Variants in FCHSD2 observed in about 807,000 individuals in gnomAD.
FCHSD2 encodes FCH and double SH3 domains 2.
FCHSD2 carries 38 observed loss-of-function variants against 108.1 expected under a neutral mutation model. That is an observed-to-expected ratio of 0.35 (90% CI 0.27 to 0.46). FCHSD2 has a LOEUF of 0.46. FCHSD2 is among the 20% of genes least tolerant of loss of function. FCHSD2 has a pLI of 1.00. For synonymous variants in FCHSD2, 279 were observed against 314.7 expected, an observed-to-expected ratio of 0.89 and a Z score of 1.20; for missense variants, 751 against 897.8, an observed-to-expected ratio of 0.84 and a Z score of 2.09.
chr11:73,057,904 G>A (rs1859066110), intron 3 of FCHSD2, among the ~76,000 whole-genome samples: 2 of 147,574 alleles, frequency 1.4e-5, no homozygotes, highest in Admixed American at 1.4e-4. Context: ...TTTTGAGACA[G>A]AGTCTCGCTC....
chr11:73,106,406 CAAAAAAA>C (rs781338343), intron 2 of FCHSD2, among the ~76,000 whole-genome samples: 252 of 65,034 alleles, frequency 3.9e-3, no homozygotes, highest in Non-Finnish European at 5.5e-3. Context: ...ACTCTGTCTC[CAAAAAAA>C]AAAAAAAAAG....
chr11:72,937,249 T>C (rs905178443), intron 8 of FCHSD2, among the ~76,000 whole-genome samples: 1 of 152,210 alleles, frequency 6.6e-6, no homozygotes, highest in Non-Finnish European at 1.5e-5. Context: ...ACGTATAGAT[T>C]AGACAGTAAA....
In FCHSD2 at chr11:72,840,881, C is replaced by T. The variant is rs1268529129; in HGVS notation, c.2135G>A (p.Arg712Gln). 12 of 1,606,288 alleles carry T rather than the reference C, an allele frequency of 7.5e-6. No individual in the cohort carries two copies. Among genetic ancestry groups the T allele is most frequent in the African/African-American group, 5.3e-5 (4 of 74,780 alleles). Residue 712 changes from arginine (R) to glutamine (Q), a missense_variant, in exon 19 of 20, where the codon CGA becomes CAA. Transcript: ENST00000409418. Reference protein sequence around the residue: ...HTPETSYGKLRPVRAAPPPPT... With the variant: ...HTPETSYGKLQPVRAAPPPPT... Reference sequence around the variant, plus strand: ...CCTGCAAGATCAGAGACTTACAGGTCGCAGTTTGCCATATGAGGTCTCAGG... The same window carrying T: ...CCTGCAAGATCAGAGACTTACAGGTTGCAGTTTGCCATATGAGGTCTCAGG...
Position 72,999,241 on chromosome 11 carries a change from A to G in FCHSD2, c.387+1749T>C, listed in dbSNP as rs543974920. On this transcript the variant is annotated intron_variant, in intron 5 of 19. Coordinates refer to ENST00000409418, the MANE Select transcript of FCHSD2 (RefSeq NM_014824.3). ...AATATTTAACAATTGCTTAGATGTA[A>G]CATAGATCATCAGCAATAATATAAA... Among the ~76,000 whole-genome samples the G allele has an allele frequency of 3.3e-5, 5 of 152,234 alleles. No individual in the cohort carries two copies. In the East Asian group the frequency reaches 9.6e-4, roughly 29 times the overall value.
chr11:73,085,733 T>C (rs1405577059), intron 2 of FCHSD2, among the ~76,000 whole-genome samples: 1 of 151,744 alleles, frequency 6.6e-6, no homozygotes, highest in Non-Finnish European at 1.5e-5. Flanking sequence ...AAAAAATCCC[T>C]GGGCAAGGAG....
At chr11:72,846,113 T>A (rs1474082675) in intron 14 of FCHSD2, among the ~76,000 whole-genome samples, 1 of 151,462 alleles carries the variant, frequency 6.6e-6, no homozygotes, top group Non-Finnish European at 1.5e-5. Flanking sequence ...CGATTACTTT[T>A]GACTTGAGAC....
At chr11:72,934,491 C>T (rs374125531) in intron 8 of FCHSD2, among the ~76,000 whole-genome samples, 8 of 151,870 alleles carry the variant, frequency 5.3e-5, no homozygotes, top group African/African-American at 1.5e-4. Flanking sequence ...CCACCATACC[C>T]GGGTAATTTT....
chr11:72,943,420 T>C (rs1330324972), intron 8 of FCHSD2, among the ~76,000 whole-genome samples: 1 of 152,058 alleles, frequency 6.6e-6, no homozygotes, highest in Non-Finnish European at 1.5e-5. Context: ...GAGGTTTGAG[T>C]AGGAAAGGAT....
Position 72,922,785 on chromosome 11 carries a change from T to TA in FCHSD2, c.706-836dup, listed in dbSNP as rs1187704030. Among the ~76,000 whole-genome samples the TA allele has an allele frequency of 2.0e-5, 3 of 152,250 alleles. 1 individual carries two copies. The highest frequency in any genetic ancestry group is 2.0e-4 in the Admixed American group (3 of 15,298). ...CAATCAGTAGAGGTAAAAATTGAGG[T>TA]AAAATTCACCCAATATAAGTCACCA... On this transcript the variant is annotated intron_variant, in intron 8 of 19. Coordinates refer to ENST00000409418, the MANE Select transcript of FCHSD2 (RefSeq NM_014824.3).
chr11:73,104,679 C>T (rs915940554), intron 2 of FCHSD2, among the ~76,000 whole-genome samples: 1 of 152,174 alleles, frequency 6.6e-6, no homozygotes, highest in Admixed American at 6.5e-5. Context: ...AGCCATTCTC[C>T]TGCCTCAGCC....
At chr11:73,014,663 C>T (rs557235777) in intron 4 of FCHSD2, among the ~76,000 whole-genome samples, 59 of 152,178 alleles carry the variant, frequency 3.9e-4, no homozygotes, top group African/African-American at 1.2e-3. Context: ...CTAAACCATG[C>T]GCTTCAATAC....
chr11:72,914,771 T>C (rs1451471708), intron 9 of FCHSD2, among the ~76,000 whole-genome samples: 8 of 151,960 alleles, frequency 5.3e-5, no homozygotes, highest in Non-Finnish European at 1.2e-4. Flanking sequence ...AACCCGAAAC[T>C]ATAAAAACCC....
Position 73,001,045 on chromosome 11 carries a change from A to C in FCHSD2, c.332T>G (p.Phe111Cys), listed in dbSNP as rs759707087. Residue 111 changes from phenylalanine to cysteine, a missense_variant, in exon 5 of 20, where the codon TTC (phenylalanine) becomes TGC (cysteine). Physicochemically the swap from Phe to Cys is radical, Grantham distance 205. Transcript: ENST00000409418. ...RMNICENYKN[F>C]ISEPARTVRS... ...CACTGTCCTTGCAGGCTCAGAAATG[A>C]AGTTTTTATAGTTTTCACATATATT... The C allele has an allele frequency of 6.2e-7, 1 of 1,612,754 alleles. No homozygotes were observed. The highest frequency in any genetic ancestry group is 8.5e-7 in the Non-Finnish European group (1 of 1,179,378).
At position 72,838,616 on chromosome 11, in the gene FCHSD2, G is replaced by C; in HGVS notation, c.*175C>G. ...TAGAAAATGACAACAAAAAAAAAAG[G>C]CACGAAATATTCAAAACGTGGGAGG... On this transcript the variant is annotated 3_prime_UTR_variant, in exon 20 of 20. Transcript: ENST00000409418. 1 of 596,840 alleles carries C rather than the reference G, an allele frequency of 1.7e-6. No individual in the cohort carries two copies. Among genetic ancestry groups the C allele is most frequent in the Non-Finnish European group, 3.0e-6 (1 of 335,248 alleles). 37.0% of individuals were successfully genotyped at this position (596,840 alleles called of 1,614,324 possible). A position where few individuals can be genotyped will look rare whatever the true frequency, so the allele number is the denominator to read the frequency against.
At chr11:72,965,098 A>T (rs371551490) in intron 8 of FCHSD2, among the ~76,000 whole-genome samples, 2 of 152,036 alleles carry the variant, frequency 1.3e-5, no homozygotes, top group African/African-American at 4.8e-5. Context: ...CAATCATTTT[A>T]CTTCTTAATT....
Position 73,141,882 on chromosome 11 carries a change from C to T in FCHSD2, c.-5G>A. ...CTTCCTCGGCGGCGGCTGCATGATG[C>T]TGAAGGGACATCAATCCTCCCCGAC... On this transcript the variant is annotated 5_prime_UTR_variant, in exon 1 of 20. Transcript: ENST00000409418. 1 of 1,545,542 alleles carries T rather than the reference C, an allele frequency of 6.5e-7. No individual in the cohort carries two copies.
chr11:72,905,572 A>G (rs1459090066), intron 9 of FCHSD2, among the ~76,000 whole-genome samples: 1 of 152,002 alleles, frequency 6.6e-6, no homozygotes, highest in Admixed American at 6.6e-5. Context: ...ATTTCTCCCA[A>G]TGCTATCCTT....
At position 73,045,693 on chromosome 11, in the gene FCHSD2, TCA is replaced by T. The variant is rs1169696106; in HGVS notation, c.166-29810_166-29809del. ...ACAAAAAACCAAACACCGCATATTC[TCA>T]CTCATAGGTGGGAACTGAACAATGA... On this transcript the variant is annotated intron_variant, in intron 3 of 19. Coordinates refer to ENST00000409418, the MANE Select transcript of FCHSD2 (RefSeq NM_014824.3). Among the ~76,000 whole-genome samples the T allele has an allele frequency of 6.0e-5, 9 of 150,220 alleles. No individual in the cohort carries two copies. The East Asian group carries it at 1.6e-3, about 26-fold the overall frequency.
chr11:73,022,539 G>A (rs1858133208), intron 3 of FCHSD2, among the ~76,000 whole-genome samples: 1 of 152,122 alleles, frequency 6.6e-6, no homozygotes, highest in African/African-American at 2.4e-5. Context: ...AATGTTTGCA[G>A]GATCTGTATG....
Sources: allele counts gnomAD v4.1 joint callset (sites outside exome capture counted in the v4.1 genomes callset), GRCh38; gene constraint gnomAD v4.1.1; transcripts MANE v1.5; gene names NCBI Gene and HGNC (gene_info 2026-07-23, HGNC 2026-07-21).